TRIM41: variants seen among roughly 807,000 people sequenced by gnomAD.
TRIM41 encodes the protein E3 ubiquitin-protein ligase TRIM41.
In TRIM41, 21 loss-of-function variants were observed where a neutral mutation model predicts 60.6. The observed-to-expected ratio is 0.35, with a 90% confidence interval of 0.25 to 0.50. TRIM41 has a LOEUF of 0.50. TRIM41 is among the 20% of genes least tolerant of loss of function. The pLI is 0.98. For missense variants in TRIM41, 846 were observed against 868.3 expected, an observed-to-expected ratio of 0.97 and a Z score of 0.32; for synonymous variants, 407 against 344.9, an observed-to-expected ratio of 1.18 and a Z score of -2.00.
Position 181,233,467 on chromosome 5 carries a change from A to G in TRIM41, c.1163+32A>G, listed in dbSNP as rs77799360. The G allele has an allele frequency of 3.2e-3, 5,230 of 1,614,032 alleles. 14 individuals carry two copies. Among genetic ancestry groups the G allele is most frequent in the Non-Finnish European group, 4.0e-3 (4,695 of 1,179,990 alleles). On this transcript the variant is annotated intron_variant, in intron 4 of 5. Transcript: ENST00000315073. This position sits in a 1 kb window ranked among gnomAD's most constrained non-coding sequence, Gnocchi z 4.1. Reference sequence around the variant, plus strand: ...TCCCAGTCTTTGCCCTTCGTGACCCAGTGGCATCTGGTTCCCTGTCCCTGC... The same window carrying G: ...TCCCAGTCTTTGCCCTTCGTGACCCGGTGGCATCTGGTTCCCTGTCCCTGC...
Position 181,234,440 on chromosome 5 carries a change from G to T in TRIM41, c.1558G>T (p.Val520Leu), listed in dbSNP as rs754879284. The change falls in exon 6 of 6, where the codon GTG becomes TTG. Residue 520 changes from valine to leucine, a missense_variant. By Grantham distance (32) the Val-to-Leu change is conservative (BLOSUM62 1). Transcript: ENST00000315073. This position sits in a 1 kb window ranked among gnomAD's most constrained non-coding sequence, Gnocchi z 5.6. ...AAAGGTGGGCCCTGGGGGTTCCTCCGTGGGCAGCGGGGATGCCAGCTCCTC... is the reference window on the plus strand; with the variant it reads ...AAAGGTGGGCCCTGGGGGTTCCTCCTTGGGCAGCGGGGATGCCAGCTCCTC... ...KEKVGPGGSS[V>L]GSGDASSSRH... 1.2e-6 allele frequency: 2 copies of T among 1,607,460 alleles called. No homozygotes were observed. The highest frequency in any genetic ancestry group is 2.7e-5 in the African/African-American group (2 of 74,696).
chr5:181,226,938 A>G (rs1040882707), intron 1 of TRIM41: 2 of 151,218 alleles, frequency 1.3e-5, no homozygotes, highest in Non-Finnish European at 1.5e-5. Context: ...CAATGGCACA[A>G]TCTTGGCTCA....
rs1487830833 is a variant in TRIM41 at position 181,235,621 on chromosome 5, T to C, written c.*846T>C. The C allele has an allele frequency of 5.1e-6, 3 of 583,554 alleles. No homozygotes were observed. Among genetic ancestry groups the C allele is most frequent in the Non-Finnish European group, 9.0e-6 (3 of 334,862 alleles). 36.1% of individuals were successfully genotyped at this position (583,554 alleles called of 1,614,324 possible). A position where few individuals can be genotyped will look rare whatever the true frequency, so the allele number is the denominator to read the frequency against. On this transcript the variant is annotated 3_prime_UTR_variant, in exon 6 of 6. Transcript: ENST00000315073. ...ATGCCTTTCACTCCATTTGGCAAGC[T>C]CTGAGGGGGAGCCTGGGGACGGGTT...
chr5:181,233,201 C>A lies in TRIM41; in HGVS notation c.1141-212C>A. ...TCGTATTGTGGAAATGACAGTATCC[C>A]TGGGCTCACAGCAGGATGAGGCGAG... On this transcript the variant is annotated intron_variant, in intron 3 of 5. Coordinates refer to ENST00000315073, the MANE Select transcript of TRIM41 (RefSeq NM_033549.5). The surrounding 1 kb of genome is among the most constrained non-coding windows in gnomAD (Gnocchi z 4.1). 2.8e-6 allele frequency: 2 copies of A among 724,850 alleles called. No individual in the cohort carries two copies. The highest frequency in any genetic ancestry group is 2.6e-5 in the East Asian group (1 of 37,888). 44.9% of individuals were successfully genotyped at this position (724,850 alleles called of 1,614,324 possible). A position where few individuals can be genotyped will look rare whatever the true frequency, so the allele number is the denominator to read the frequency against.
intron 1 of TRIM41, 61 bp downstream of exon 1, chr5:181,224,873 A>G: frequency 6.2e-7 from 1 of 1,607,620 alleles, no homozygotes. Context: ...AAGTAAGGGG[A>G]CCTGGGAAAA....
chr5:181,232,597 A>C, intron 2 of TRIM41, 62 bp from the exon 3 acceptor site: 3 of 1,523,070 alleles, frequency 2.0e-6, no homozygotes, highest in Non-Finnish European at 2.7e-6. Context: ...GTAGTTGCAA[A>C]ACTGGAGGTT....
In TRIM41 at chr5:181,223,905, C is replaced by T; in HGVS notation, c.-95C>T. The T allele has an allele frequency of 2.2e-6, 3 of 1,334,384 alleles. No homozygotes were observed. Among genetic ancestry groups the T allele is most frequent in the Non-Finnish European group, 3.1e-6 (3 of 974,172 alleles). 82.7% of individuals were successfully genotyped at this position (1,334,384 alleles called of 1,614,324 possible). ...TGGGGCGAGGTGTGGAGGGGCAGGG[C>T]TGGGGGTGGAGCCGGGTCGCCAGGG... On this transcript the variant is annotated 5_prime_UTR_variant, in exon 1 of 6. Transcript: ENST00000315073.
In TRIM41 at chr5:181,223,974, T is replaced by G; in HGVS notation, c.-26T>G. 7.6e-7 allele frequency: 1 copy of G among 1,311,400 alleles called. No individual in the cohort carries two copies. Among genetic ancestry groups the G allele is most frequent in the Non-Finnish European group, 1.1e-6 (1 of 914,214 alleles). 81.2% of individuals were successfully genotyped at this position (1,311,400 alleles called of 1,614,324 possible). A position where few individuals can be genotyped will look rare whatever the true frequency, so the allele number is the denominator to read the frequency against. On this transcript the variant is annotated 5_prime_UTR_variant, in exon 1 of 6. Transcript: ENST00000315073. Reference sequence around the variant, plus strand: ...CCGCCCCTCGCCCCCCCACCGAACCTCTACACTGGCTGGCTGGACACTAAG... The same window carrying G: ...CCGCCCCTCGCCCCCCCACCGAACCGCTACACTGGCTGGCTGGACACTAAG...
rs1384332590 is a variant in TRIM41 at position 181,224,346 on chromosome 5, G to C, written c.347G>C (p.Ser116Thr). 6.2e-7 allele frequency: 1 copy of C among 1,613,094 alleles called. No individual in the cohort carries two copies. Among genetic ancestry groups the C allele is most frequent in the South Asian group, 1.1e-5 (1 of 91,040 alleles). The change falls in exon 1 of 6, where the codon AGC becomes ACC. Residue 116 changes from serine (S) to threonine (T), a missense_variant. By Grantham distance (58) the Ser-to-Thr change is moderately conservative. Transcript: ENST00000315073. Reference sequence around the variant, plus strand: ...TGGACCAGTGGCATGAGCAGGTCCAGCTGGGACAACATGGACTATGTGTGG... The same window carrying C: ...TGGACCAGTGGCATGAGCAGGTCCACCTGGGACAACATGGACTATGTGTGG... ...VFWTSGMSRS[S>T]WDNMDYVWEE...
chr5:181,235,807 C>G lies in TRIM41; in HGVS notation c.*1032C>G, dbSNP rs1468956533. ...GGAAATAAAATGTTTATTTGCTTCT[C>G]TTGTGAGGTCTGTTCCTTCAGGTGA... On this transcript the variant is annotated 3_prime_UTR_variant, in exon 6 of 6. Coordinates refer to ENST00000315073, the MANE Select transcript of TRIM41 (RefSeq NM_033549.5). 1 of 197,828 alleles carries G rather than the reference C, an allele frequency of 5.1e-6. No homozygotes were observed. 12.3% of individuals were successfully genotyped at this position (197,828 alleles called of 1,614,324 possible).
rs766773737 is a variant in TRIM41 at position 181,233,384 on chromosome 5, C to A, written c.1141-29C>A. On this transcript the variant is annotated intron_variant, in intron 3 of 5. Coordinates refer to ENST00000315073, the MANE Select transcript of TRIM41 (RefSeq NM_033549.5). This position sits in a 1 kb window ranked among gnomAD's most constrained non-coding sequence, Gnocchi z 4.1. ...ACACTCTCTTTATCTCTTTCTCCCT[C>A]TCCCTCTTTTTGTTTCTCTTATTCC... The A allele has an allele frequency of 6.2e-7, 1 of 1,609,396 alleles. No homozygotes were observed. Among genetic ancestry groups the A allele is most frequent in the Non-Finnish European group, 8.5e-7 (1 of 1,176,098 alleles).
At position 181,224,185 on chromosome 5, in the gene TRIM41, GGAGGAGGAGGAGGACGGA is replaced by G. The variant is rs1176979924; in HGVS notation, c.198_215del (p.Asp67_Glu72del). The G allele has an allele frequency of 6.2e-7, 1 of 1,612,442 alleles. No homozygotes were observed. The highest frequency in any genetic ancestry group is 1.7e-5 in the Admixed American group (1 of 59,946). On this transcript the variant is annotated inframe_deletion, in exon 1 of 6. Transcript: ENST00000315073. ...AGGACAGAGATGAGTTAGATCGGGAGGAGGAGGAGGAGGACGGAGAGGAGGAGGAAGTGGAGGCTGTGG... is the reference window on the plus strand; with the variant it reads ...AGGACAGAGATGAGTTAGATCGGGAGGAGGAGGAGGAAGTGGAGGCTGTGG...
Position 181,232,613 on chromosome 5 carries a change from C to T in TRIM41, c.910-46C>T, listed in dbSNP as rs745909348. The T allele has an allele frequency of 8.9e-6, 14 of 1,566,026 alleles. No individual in the cohort carries two copies. In the East Asian group the frequency reaches 1.1e-4, roughly 13 times the overall value. ...TAGTTGCAAAACTGGAGGTTATCTT[C>T]GTACGTGTTGAGGTGGTGTCTGCCA... On this transcript the variant is annotated intron_variant, in intron 2 of 5. Coordinates refer to ENST00000315073, the MANE Select transcript of TRIM41 (RefSeq NM_033549.5).
intron 2 of TRIM41, 171 bp from the exon 3 acceptor site, chr5:181,232,488 G>T: frequency 1.6e-6 from 1 of 626,826 alleles, no homozygotes; most frequent in Non-Finnish European, 2.7e-6. Flanking sequence ...CTGGGAGCAA[G>T]GGGGTGGTAT....
rs1016325879 is a variant in TRIM41, at chr5:181,235,742, G to A, written c.*967G>A. ...TTTCGCCCTCTGCTTTGATGGCTGA[G>A]GTGAACTCATGTTCTTTGGGAAAAG... is the stretch of plus-strand genomic sequence containing the variant. On this transcript the variant is annotated 3_prime_UTR_variant, in exon 6 of 6. Transcript: ENST00000315073. 3.8e-6 allele frequency: 1 copy of A among 265,102 alleles called. No individual in the cohort carries two copies. The highest frequency in any genetic ancestry group is 2.2e-5 in the African/African-American group (1 of 46,376). The allele number at this position is 265,102 out of a possible 1,614,324, so 16.4% of individuals were successfully genotyped here.
chr5:181,231,363 C>CT (rs1369742162), intron 2 of TRIM41: 55 of 150,494 alleles, frequency 3.7e-4, no homozygotes, highest in East Asian at 9.6e-4. Context: ...GACCCCCCCG[C>CT]TTTTTTTGTT....
chr5:181,233,521 C>T lies in TRIM41; in HGVS notation c.1163+86C>T. The T allele has an allele frequency of 6.2e-7, 1 of 1,612,170 alleles. No homozygotes were observed. The highest frequency in any genetic ancestry group is 8.5e-7 in the Non-Finnish European group (1 of 1,178,476). On this transcript the variant is annotated intron_variant, in intron 4 of 5. Transcript: ENST00000315073. This position sits in a 1 kb window ranked among gnomAD's most constrained non-coding sequence, Gnocchi z 4.1. ...TCTTCGGTATCCCTCTCCTCTCCTT[C>T]CTTCCCCAGGACCTGAGTTTCCATC... is the stretch of plus-strand genomic sequence containing the variant.
In TRIM41 at chr5:181,223,517, G is replaced by T. The variant is rs1412360444; in HGVS notation, c.-483G>T. On this transcript the variant is annotated 5_prime_UTR_variant, in exon 1 of 6. Coordinates refer to ENST00000315073, the MANE Select transcript of TRIM41 (RefSeq NM_033549.5). The stretch of plus-strand genomic sequence containing the variant: ...GGGCCTCCACCGTCCTAGCCCTCCC[G>T]CCCTGTTCTCTAGTGCGGACTAGAG... 6 of 418,436 alleles carry T rather than the reference G, an allele frequency of 1.4e-5. No homozygotes were observed. The highest frequency in any genetic ancestry group is 6.1e-5 in the African/African-American group (3 of 49,432). The allele number at this position is 418,436 out of a possible 1,614,324, so 25.9% of individuals were successfully genotyped here. A position where few individuals can be genotyped will look rare whatever the true frequency, so the allele number is the denominator to read the frequency against.
chr5:181,225,123 G>C, intron 1 of TRIM41: 1 of 435,514 alleles, frequency 2.3e-6, no homozygotes, highest in Admixed American at 3.8e-5. Context: ...TGAGTCTTAA[G>C]TCTGTCCTTG....
Sources: gnomAD v4.1 joint callset for allele counts on GRCh38, gnomAD v4.1.1 for gene constraint, Gnocchi (gnomAD v3.1) non-coding constraint, MANE v1.5 for transcripts, NCBI Gene and HGNC (gene_info 2026-07-23, HGNC 2026-07-21) for gene names.